ZNF536: variants seen among roughly 807,000 people sequenced by gnomAD.
ZNF536 encodes the protein zinc finger protein 536.
ZNF536 carries 13 observed loss-of-function variants against 84.5 expected under a neutral mutation model. The observed-to-expected ratio is 0.15, with a 90% confidence interval of 0.10 to 0.24. The LOEUF (loss-of-function observed/expected upper bound fraction) is 0.24, where lower values mean the gene tolerates loss of function less well. ZNF536 is among the 10% of genes least tolerant of loss of function. The pLI is 1.00. For synonymous variants in ZNF536, 811 were observed against 742.5 expected, an observed-to-expected ratio of 1.09 and a Z score of -1.50; for missense variants, 1,536 against 1,747.5, an observed-to-expected ratio of 0.88 and a Z score of 2.16.
intron 1 of ZNF536, among the ~76,000 whole-genome samples, chr19:30,398,284 C>G (rs1456422791): frequency 1.3e-5 from 2 of 152,180 alleles, no homozygotes; most frequent in Admixed American, 6.5e-5. Flanking sequence ...CCCAACCATC[C>G]CTAGCCCTTG....
At chr19:30,629,082 G>T (rs1022690843) in intron 1 of ZNF536, among the ~76,000 whole-genome samples, 3 of 152,334 alleles carry the variant, frequency 2.0e-5, no homozygotes, top group South Asian at 2.1e-4. Context: ...CAGCTGCTAT[G>T]TATGGGGCTT....
intron 1 of ZNF536, among the ~76,000 whole-genome samples, chr19:30,702,387 G>C (rs145003165): frequency 6.6e-6 from 1 of 152,066 alleles, no homozygotes; most frequent in Admixed American, 6.5e-5. Flanking sequence ...CTTACTTTTC[G>C]CATGGCAGTG....
At chr19:30,634,761 CG>C (rs1346981753) in intron 1 of ZNF536, among the ~76,000 whole-genome samples, 11 of 151,986 alleles carry the variant, frequency 7.2e-5, no homozygotes, top group African/African-American at 2.2e-4. Flanking sequence ...AGAAAGGGGA[CG>C]GGATTTTCAT....
intron 3 of ZNF536, among the ~76,000 whole-genome samples, chr19:30,544,132 C>T (rs774517778): frequency 2.0e-5 from 3 of 152,184 alleles, no homozygotes; most frequent in Admixed American, 6.5e-5. Flanking sequence ...CCTGGAACAG[C>T]GTGCCCACCT....
chr19:30,503,939 C>T (rs1452216084), intron 2 of ZNF536, among the ~76,000 whole-genome samples: 4 of 149,216 alleles, frequency 2.7e-5, no homozygotes, highest in African/African-American at 5.0e-5. Context: ...TTAATGAACG[C>T]GTTATTTTTA....
At chr19:30,334,781 T>A (rs2047326981) in intron 2 of ZNF536, among the ~76,000 whole-genome samples, 1 of 152,176 alleles carries the variant, frequency 6.6e-6, no homozygotes, top group African/African-American at 2.4e-5. Context: ...TGGAAAACAA[T>A]TTTTTCATGG....
chr19:30,426,153 A>G (rs1600683715), intron 1 of ZNF536, among the ~76,000 whole-genome samples: 2 of 152,242 alleles, frequency 1.3e-5, no homozygotes, highest in African/African-American at 4.8e-5. Context: ...TGGCTTCCCC[A>G]GGCCTGCATT....
chr19:30,597,572 C>T (rs965201284), intron 1 of ZNF536, among the ~76,000 whole-genome samples: 2 of 152,174 alleles, frequency 1.3e-5, no homozygotes, highest in African/African-American at 2.4e-5. Context: ...CAATCTGAAA[C>T]CTGGCTCTTC....
intron 1 of ZNF536, among the ~76,000 whole-genome samples, chr19:30,697,130 G>C (rs866053512): frequency 3.3e-5 from 5 of 152,348 alleles, no homozygotes; most frequent in Middle Eastern, 3.4e-3. Context: ...GCAGGTGAGA[G>C]AGAGAGCAAG....
intron 2 of ZNF536, among the ~76,000 whole-genome samples, chr19:30,336,146 T>C (rs1386602448): frequency 6.6e-6 from 1 of 152,166 alleles, no homozygotes; most frequent in African/African-American, 2.4e-5. Context: ...CCTATGCTGG[T>C]TTAGGTTCCA....
intron 1 of ZNF536, among the ~76,000 whole-genome samples, chr19:30,373,202 G>A (rs984027863): frequency 3.9e-5 from 6 of 151,982 alleles, no homozygotes; most frequent in Admixed American, 6.6e-5. Context: ...TCTTCCCCCC[G>A]ACCTTTTTTT....
Position 30,414,307 on chromosome 19 carries a change from T to C in ZNF536, c.-2-29254T>C, listed in dbSNP as rs1488002901. On this transcript the variant is annotated intron_variant, in intron 1 of 4. Coordinates refer to ENST00000355537, the MANE Select transcript of ZNF536 (RefSeq NM_014717.3). ...GGGAATGGTGGGCATATATTTAACC[T>C]AATCCAATATTTGAAATTCTTTCTT... Among the ~76,000 whole-genome samples the C allele has an allele frequency of 7.9e-5, 12 of 152,298 alleles. No homozygotes were observed. The East Asian group carries it at 2.3e-3, about 29-fold the overall frequency.
rs543336536 is a variant in ZNF536, at chr19:30,495,081, AC to A, written c.2171-39763del. Among the ~76,000 whole-genome samples the A allele has an allele frequency of 1.8e-3, 272 of 152,304 alleles. 1 individual carries two copies. The highest frequency in any genetic ancestry group is 6.1e-3 in the African/African-American group (254 of 41,556). On this transcript the variant is annotated intron_variant, in intron 2 of 4. Transcript: ENST00000355537. ...TGTGAGTTAGGCTAAGAGTCAGCAGACCCAGGTCTTGGCTTCACTATTGCTG... is the reference window on the plus strand; with the variant it reads ...TGTGAGTTAGGCTAAGAGTCAGCAGACCAGGTCTTGGCTTCACTATTGCTG...
intron 4 of ZNF536, among the ~76,000 whole-genome samples, chr19:30,551,755 G>T (rs560355675): frequency 2.6e-5 from 4 of 152,242 alleles, no homozygotes; most frequent in Admixed American, 2.6e-4. Flanking sequence ...ATTCCATTTG[G>T]CCCCATTTCT....
chr19:30,304,083 G>A (rs2046273856), intron 2 of ZNF536, among the ~76,000 whole-genome samples: 1 of 152,162 alleles, frequency 6.6e-6, no homozygotes. Context: ...AAGAGTTCCC[G>A]GTTGGACTCA....
intron 3 of ZNF536, among the ~76,000 whole-genome samples, chr19:30,366,208 G>A (rs8113242): frequency 0.012 from 1,854 of 152,222 alleles, 40 homozygotes; most frequent in African/African-American, 0.043. Flanking sequence ...CACTGTGAGC[G>A]GCTGCTGGGC....
At chr19:30,491,777 G>A (rs2054518655) in intron 2 of ZNF536, among the ~76,000 whole-genome samples, 2 of 151,990 alleles carry the variant, frequency 1.3e-5, no homozygotes, top group African/African-American at 4.8e-5. Flanking sequence ...TCAAATGTGT[G>A]GGGACTCCTC....
rs569526133 is a variant in ZNF536, at chr19:30,509,027, G to A, written c.2171-25820G>A. Among the ~76,000 whole-genome samples the A allele has an allele frequency of 3.3e-5, 5 of 150,318 alleles. No homozygotes were observed. In the South Asian group the frequency reaches 1.1e-3, roughly 32 times the overall value. On this transcript the variant is annotated intron_variant, in intron 2 of 4. Coordinates refer to ENST00000355537, the MANE Select transcript of ZNF536 (RefSeq NM_014717.3). ...TTAAAAAATTTCTTGTTGAGATGGG[G>A]TCTCATTGTGTTGCCCATGCTGGTC...
At chr19:30,344,231 G>A (rs1422276023) in intron 2 of ZNF536, among the ~76,000 whole-genome samples, 1 of 130,306 alleles carries the variant, frequency 7.7e-6, no homozygotes, top group African/African-American at 3.0e-5. Context: ...CTGAGGTCAG[G>A]AGTTCGCGAC....
Sources: gnomAD v4.1 joint callset for allele counts (sites outside exome capture counted in the v4.1 genomes callset) on GRCh38, gnomAD v4.1.1 for gene constraint, MANE v1.5 for transcripts, NCBI Gene and HGNC (gene_info 2026-07-23, HGNC 2026-07-21) for gene names.